The following SLC17A5 variants were observed in gnomAD, a reference collection of about 807,000 sequenced individuals.
SLC17A5 encodes sialin.
Under a neutral mutation model 59.4 loss-of-function variants are expected in SLC17A5, and 47 were observed. The observed-to-expected ratio is 0.79, with a 90% CI of 0.63 to 1.01. The LOEUF is 1.01. SLC17A5 is among the 50% of genes least tolerant of loss of function. The pLI is 0.00. For synonymous variants in SLC17A5, 202 were observed against 210.7 expected (o/e 0.96, Z 0.36); for missense variants, 522 against 595.5 (o/e 0.88, Z 1.28).
At chr6:73,636,141 T>TGA (rs1472995566) in intron 5 of SLC17A5, among the ~76,000 whole-genome samples, 5 of 152,346 alleles carry the variant, frequency 3.3e-5, no homozygotes, top group African/African-American at 1.2e-4. Flanking sequence ...CAAAGGTGTC[T>TGA]GTTTTTGTTA....
chr6:73,600,460 A>T lies in SLC17A5; in HGVS notation c.1260-19T>A. The T allele has an allele frequency of 6.5e-7, 1 of 1,550,352 alleles. No individual in the cohort carries two copies. The highest frequency in any genetic ancestry group is 8.9e-7 in the Non-Finnish European group (1 of 1,122,320). On this transcript the variant is annotated intron_variant, in intron 9 of 10. Transcript: ENST00000355773. ...AGCATACCTGTAGAAACATTTTCATAGACGTTTATTATTGTGATACACATT... is the reference window on the plus strand; with the variant it reads ...AGCATACCTGTAGAAACATTTTCATTGACGTTTATTATTGTGATACACATT...
At chr6:73,629,778 C>T (rs1366616309) in intron 6 of SLC17A5, among the ~76,000 whole-genome samples, 2 of 151,456 alleles carry the variant, frequency 1.3e-5, no homozygotes, top group African/African-American at 4.9e-5. Context: ...AGCGAAACTC[C>T]GTCTCAAAAA....
At chr6:73,651,795 C>T (rs1256292098) in intron 1 of SLC17A5, among the ~76,000 whole-genome samples, 1 of 152,132 alleles carries the variant, frequency 6.6e-6, no homozygotes, top group African/African-American at 2.4e-5. Context: ...TCAGGTGATC[C>T]GCCCGCCTCG....
In SLC17A5 at chr6:73,635,409, T is replaced by C. The variant is rs763215467; in HGVS notation, c.792A>G (p.Glu264=). 6.3e-7 allele frequency: 1 copy of C among 1,597,770 alleles called. No homozygotes were observed. Among genetic ancestry groups the C allele is most frequent in the Non-Finnish European group, 8.6e-7 (1 of 1,166,506 alleles). ...KHKRISHYEK[E]YILSSLRNQL... ...GATTTCTTAATGATGAAAGAATGTA[T>C]TCCTTTTCATAATGGGAAATTCTCT... Residue 264 remains glutamate, a synonymous_variant, in exon 6 of 11, where the codon GAA becomes GAG. Transcript: ENST00000355773.
chr6:73,615,228 G>A lies in SLC17A5; in HGVS notation c.1111+87C>T, dbSNP rs1256638930. On this transcript the variant is annotated intron_variant, in intron 8 of 10. Transcript: ENST00000355773. The stretch of plus-strand genomic sequence containing the variant: ...ATTGTGTTAACTGTGTGTAAAAGTG[G>A]GAAACACACTTTGTTTTCCTATCTC... 2.1e-6 allele frequency: 3 copies of A among 1,443,444 alleles called. No homozygotes were observed. In the African/African-American group the frequency reaches 4.2e-5, roughly 20 times the overall value. 89.4% of individuals were successfully genotyped at this position (1,443,444 alleles called of 1,614,324 possible). A position where few individuals can be genotyped will look rare whatever the true frequency, so the allele number is the denominator to read the frequency against.
chr6:73,612,832 G>A (rs946789861), intron 8 of SLC17A5, among the ~76,000 whole-genome samples: 4 of 152,126 alleles, frequency 2.6e-5, no homozygotes, highest in Admixed American at 6.6e-5. Context: ...TGGGAGGATC[G>A]CTTGAGCCCA....
At chr6:73,599,987 G>T (rs184416000) in intron 10 of SLC17A5, among the ~76,000 whole-genome samples, 1 of 152,104 alleles carries the variant, frequency 6.6e-6, no homozygotes, top group East Asian at 1.9e-4. Flanking sequence ...GTAGAGACGG[G>T]GTTTCACCAT....
At chr6:73,622,580 G>A (rs1447875780) in intron 6 of SLC17A5, among the ~76,000 whole-genome samples, 4 of 152,138 alleles carry the variant, frequency 2.6e-5, no homozygotes, top group African/African-American at 7.2e-5. Context: ...GTGAGCCACC[G>A]TGCCCGGCCT....
At chr6:73,616,580 C>CACACA (rs60454712) in intron 7 of SLC17A5, among the ~76,000 whole-genome samples, 3,195 of 100,102 alleles carry the variant, frequency 0.032, 78 homozygotes, top group African/African-American at 0.073. Flanking sequence ...CACACACACA[C>CACACA]GTTTATTTTT....
chr6:73,604,088 C>T (rs369212183), intron 9 of SLC17A5, among the ~76,000 whole-genome samples: 1 of 152,098 alleles, frequency 6.6e-6, no homozygotes, highest in South Asian at 2.1e-4. Flanking sequence ...TTTGGCTCAT[C>T]CCCTTTAGGG....
intron 1 of SLC17A5, among the ~76,000 whole-genome samples, chr6:73,651,313 T>C (rs1440179463): frequency 6.6e-6 from 1 of 150,892 alleles, no homozygotes; most frequent in Non-Finnish European, 1.5e-5. Flanking sequence ...ATACAAAAAT[T>C]AGCTGGGTGT....
intron 1 of SLC17A5, among the ~76,000 whole-genome samples, chr6:73,646,892 T>G (rs918141937): frequency 3.3e-5 from 5 of 152,126 alleles, no homozygotes; most frequent in Admixed American, 6.6e-5. Flanking sequence ...CCCAGGCTGG[T>G]CTTGAACTTT....
At chr6:73,628,309 A>C (rs1192981667) in intron 6 of SLC17A5, among the ~76,000 whole-genome samples, 1 of 152,088 alleles carries the variant, frequency 6.6e-6, no homozygotes, top group Non-Finnish European at 1.5e-5. Context: ...GGTGGCTCAC[A>C]CCTGTAATCC....
chr6:73,625,248 G>A (rs566965800), intron 6 of SLC17A5, among the ~76,000 whole-genome samples: 17 of 152,172 alleles, frequency 1.1e-4, no homozygotes, highest in African/African-American at 3.4e-4. Flanking sequence ...GTGCAGTGGC[G>A]CGATCTTGGC....
chr6:73,645,963 GCTGA>G (rs1051608047), intron 1 of SLC17A5, among the ~76,000 whole-genome samples: 8 of 152,078 alleles, frequency 5.3e-5, no homozygotes, highest in African/African-American at 1.7e-4. Context: ...GATTCAGGAT[GCTGA>G]CTAAGGATAA....
rs635752 is a variant in SLC17A5, at chr6:73,635,094, T to A, written c.819+288A>T. The stretch of plus-strand genomic sequence containing the variant: ...TTGTTCATATTTATGTATTTAAAAT[T>A]TTTTTTTAAATATTTTAAATGTTTT... On this transcript the variant is annotated intron_variant, in intron 6 of 10. Coordinates refer to ENST00000355773, the MANE Select transcript of SLC17A5 (RefSeq NM_012434.5). 0.15 allele frequency: 26,170 copies of A among 169,292 alleles called. 3,180 individuals are homozygous for A. The highest frequency in any genetic ancestry group is 0.34 in the African/African-American group (14,431 of 41,912). The allele number at this position is 169,292 out of a possible 1,614,324, so 10.5% of individuals were successfully genotyped here. A position where few individuals can be genotyped will look rare whatever the true frequency, so the allele number is the denominator to read the frequency against.
intron 6 of SLC17A5, 121 bp downstream of exon 6, chr6:73,635,261 T>C: frequency 1.6e-6 from 1 of 634,120 alleles, no homozygotes; most frequent in Non-Finnish European, 2.8e-6. Context: ...TTCATTTCAT[T>C]TGCCTATTCT....
intron 8 of SLC17A5, among the ~76,000 whole-genome samples, chr6:73,615,054 A>G (rs2150091220): frequency 6.6e-6 from 1 of 152,240 alleles, no homozygotes; most frequent in Middle Eastern, 3.4e-3. Context: ...TGAGCCCTCA[A>G]CCTATAGGAT....
chr6:73,638,693 G>C (rs566192038), intron 3 of SLC17A5, among the ~76,000 whole-genome samples, 194 bp from the exon 4 acceptor site: 8 of 152,196 alleles, frequency 5.3e-5, no homozygotes, highest in Admixed American at 5.2e-4. Context: ...TTTGAGGCTG[G>C]GTGTGGTGGC....
Sources: gnomAD v4.1 joint callset for allele counts (sites outside exome capture counted in the v4.1 genomes callset) on GRCh38, gnomAD v4.1.1 for gene constraint, MANE v1.5 for transcripts, NCBI Gene and HGNC (gene_info 2026-07-23, HGNC 2026-07-21) for gene names.